The following C8B variants were observed in gnomAD, a reference collection of about 807,000 sequenced individuals.
The protein encoded by C8B is complement C8 beta chain.
C8B carries 67 observed loss-of-function variants against 64.6 expected under a neutral mutation model. The ratio of observed to expected loss-of-function variants is 1.04; its 90% CI spans 0.85 to 1.27. The LOEUF (loss-of-function observed/expected upper bound fraction) is 1.27, where lower values mean the gene tolerates loss of function less well. C8B is among the 50% of genes most tolerant of loss of function. The pLI, the probability that C8B is intolerant of heterozygous loss-of-function variation, is 0.00. For synonymous variants in C8B, 284 were observed against 257.7 expected (o/e 1.10, Z -0.98); for missense variants, 790 against 725.2 (o/e 1.09, Z -1.03).
chr1:56,954,881 T>A (rs1645080112), intron 3 of C8B, 54 bp from the exon 4 acceptor site: 4 of 1,607,740 alleles, frequency 2.5e-6, no homozygotes, highest in Non-Finnish European at 3.4e-6. Context: ...AGAAAGGAAC[T>A]AACATAGTAT....
At chr1:56,954,555 T>C (rs1287928135) in intron 4 of C8B, 131 bp downstream of exon 4, 4 of 1,272,430 alleles carry the variant, frequency 3.1e-6, no homozygotes, top group Admixed American at 1.7e-5. Context: ...GAAGTGTTAC[T>C]TACAATACAG....
chr1:56,959,623 A>C, intron 2 of C8B: 2 of 1,535,404 alleles, frequency 1.3e-6, no homozygotes, highest in Non-Finnish European at 1.7e-6. Context: ...ATTCGGTCAC[A>C]GGGATCCTCG....
At chr1:56,941,192 A>C (rs1176657902) in intron 8 of C8B, among the ~76,000 whole-genome samples, 180 bp from the exon 9 acceptor site, 1 of 152,170 alleles carries the variant, frequency 6.6e-6, no homozygotes, top group Admixed American at 6.5e-5. Flanking sequence ...AGGGAAACTC[A>C]CCCAGCCATA....
intron 3 of C8B, among the ~76,000 whole-genome samples, chr1:56,955,681 C>T (rs1645092489): frequency 6.6e-6 from 1 of 152,228 alleles, no homozygotes; most frequent in South Asian, 2.1e-4. Context: ...TCATGGAACA[C>T]AGGCCATAAT....
In C8B at chr1:56,931,857, C is replaced by T; in HGVS notation, c.1574G>A (p.Cys525Tyr). Residue 525 changes from cysteine to tyrosine, a missense_variant, in exon 11 of 12, where the codon TGT becomes TAT. Physicochemically the swap from Cys to Tyr is radical, Grantham distance 194 (BLOSUM62 -2). Coordinates refer to ENST00000371237, the MANE Select transcript of C8B (RefSeq NM_000066.4). ...GGCTAGGCCTTGGGATCCAACAGGA[C>T]AGATGCAGTCACAGCGTGATCCTGA... Reference protein sequence around the residue: ...VLKGSRCDCICPVGSQGLACE... With the variant: ...VLKGSRCDCIYPVGSQGLACE... 1 of 1,612,334 alleles carries T rather than the reference C, an allele frequency of 6.2e-7. No homozygotes were observed. Among genetic ancestry groups the T allele is most frequent in the East Asian group, 2.2e-5 (1 of 44,846 alleles).
chr1:56,941,456 A>C (rs1020217658), intron 8 of C8B, among the ~76,000 whole-genome samples: 1 of 151,246 alleles, frequency 6.6e-6, no homozygotes, highest in African/African-American at 2.5e-5. Context: ...ATAGAAAGAT[A>C]GACAGACAGA....
At chr1:56,961,078 C>A (rs1182662622) in intron 1 of C8B, among the ~76,000 whole-genome samples, 1 of 152,100 alleles carries the variant, frequency 6.6e-6, no homozygotes, top group Non-Finnish European at 1.5e-5. Flanking sequence ...TAAGGCAATG[C>A]TTTTGGTTCA....
At chr1:56,954,341 G>C (rs1229365900) in intron 4 of C8B, among the ~76,000 whole-genome samples, 2 of 152,144 alleles carry the variant, frequency 1.3e-5, no homozygotes, top group Admixed American at 6.5e-5. Context: ...AAGAATGTAA[G>C]GCTTAGAAAG....
At chr1:56,965,430 G>A (rs1014065053) in intron 1 of C8B, among the ~76,000 whole-genome samples, 11 of 95,610 alleles carry the variant, frequency 1.2e-4, no homozygotes, top group African/African-American at 3.9e-4. Context: ...TGTGTAAGAA[G>A]GGGGTGGGAA....
intron 9 of C8B, 57 bp downstream of exon 9, chr1:56,940,792 G>A (rs985422484): frequency 1.9e-6 from 3 of 1,601,766 alleles, no homozygotes; most frequent in Non-Finnish European, 2.6e-6. Flanking sequence ...CTCATGGTAG[G>A]TCCTCAGAAG....
At position 56,938,254 on chromosome 1, in the gene C8B, T is replaced by C. The variant is rs144885455; in HGVS notation, c.1398+2595A>G. On this transcript the variant is annotated intron_variant, in intron 9 of 11. Coordinates refer to ENST00000371237, the MANE Select transcript of C8B (RefSeq NM_000066.4). ...CTCCCTGTCTCTTGCGTCTGCATTTTAAGAACATGTTTATAACACCTTCCA... is the reference window on the plus strand; with the variant it reads ...CTCCCTGTCTCTTGCGTCTGCATTTCAAGAACATGTTTATAACACCTTCCA... Among the ~76,000 whole-genome samples, 561 of 152,336 alleles carry C rather than the reference T, an allele frequency of 3.7e-3. 5 individuals are homozygous for C. The highest frequency in any genetic ancestry group is 0.013 in the African/African-American group (540 of 41,576).
At chr1:56,948,405 T>C (rs1017015990) in intron 6 of C8B, among the ~76,000 whole-genome samples, 1 of 152,218 alleles carries the variant, frequency 6.6e-6, no homozygotes, top group Non-Finnish European at 1.5e-5. Context: ...GATATGATTC[T>C]GGCTCAGTTC....
intron 9 of C8B, among the ~76,000 whole-genome samples, chr1:56,934,168 T>TA (rs200259275): frequency 0.013 from 1,957 of 151,248 alleles, 43 homozygotes; most frequent in African/African-American, 0.045. Context: ...AGGGTCCTTT[T>TA]TTTTTTTCTT....
At chr1:56,931,482 G>T (rs1018618066) in intron 11 of C8B, 6 of 346,944 alleles carry the variant, frequency 1.7e-5, no homozygotes, top group Admixed American at 1.6e-4. Flanking sequence ...GGGGGCATAC[G>T]TGCTGGAATT....
intron 5 of C8B, among the ~76,000 whole-genome samples, chr1:56,951,250 AG>A (rs1176549481): frequency 1.3e-5 from 2 of 152,110 alleles, no homozygotes; most frequent in Non-Finnish European, 2.9e-5. Flanking sequence ...GCTAGAAAAA[AG>A]GGAGCAATTT....
intron 8 of C8B, among the ~76,000 whole-genome samples, chr1:56,943,105 T>TA (rs900941367): frequency 6.6e-6 from 1 of 150,384 alleles, no homozygotes; most frequent in African/African-American, 2.4e-5. Context: ...AAAAAATAAA[T>TA]AAAAAAAAGC....
intron 1 of C8B, among the ~76,000 whole-genome samples, chr1:56,964,311 A>G (rs1645221230): frequency 6.6e-6 from 1 of 152,126 alleles, no homozygotes; most frequent in Admixed American, 6.5e-5. Flanking sequence ...TTCCCAATGC[A>G]TTGTGGTGAG....
intron 6 of C8B, 122 bp from the exon 7 acceptor site, chr1:56,946,183 T>G (rs1644940003): frequency 3.6e-6 from 4 of 1,121,608 alleles, no homozygotes; most frequent in Non-Finnish European, 5.3e-6. Flanking sequence ...TATGATTCCT[T>G]TAGGATACTT....
intron 7 of C8B, 108 bp from the exon 8 acceptor site, chr1:56,943,932 G>T: frequency 7.7e-7 from 1 of 1,307,094 alleles, no homozygotes; most frequent in Non-Finnish European, 1.1e-6. Context: ...ACAAGGACTC[G>T]GGTTCAAATA....
Sources: gnomAD v4.1 joint callset for allele counts (sites outside exome capture counted in the v4.1 genomes callset) on GRCh38, gnomAD v4.1.1 for gene constraint, MANE v1.5 for transcripts, NCBI Gene and HGNC (gene_info 2026-07-23, HGNC 2026-07-21) for gene names.